Variants in IGSF11 observed in about 807,000 individuals in gnomAD.
The protein encoded by IGSF11 is CXADR like 1.
IGSF11 carries 22 observed loss-of-function variants against 41.0 expected under a neutral mutation model. The observed-to-expected ratio is 0.54, with a 90% CI of 0.38 to 0.77. The LOEUF (loss-of-function observed/expected upper bound fraction) is 0.77, where lower values mean the gene tolerates loss of function less well. Ranked by LOEUF, IGSF11 falls within the 30% of genes least tolerant of loss-of-function variation. The pLI, the probability that IGSF11 is intolerant of heterozygous loss-of-function variation, is 0.00. For missense variants in IGSF11, 444 were observed against 530.8 expected (o/e 0.84, Z 1.61); for synonymous variants, 219 against 201.3 (o/e 1.09, Z -0.74).
At chr3:119,024,338 A>G (rs1939610885) in intron 1 of IGSF11, among the ~76,000 whole-genome samples, 1 of 152,220 alleles carries the variant, frequency 6.6e-6, no homozygotes, top group African/African-American at 2.4e-5. Flanking sequence ...ATGTTGGAAT[A>G]CAAAATTCAA....
chr3:119,133,297 T>A (rs148591995), intron 1 of IGSF11, among the ~76,000 whole-genome samples: 3,411 of 151,976 alleles, frequency 0.022, 68 homozygotes, highest in Admixed American at 0.052. Flanking sequence ...TTTGAAAAGA[T>A]CAACAAAATT....
intron 4 of IGSF11, among the ~76,000 whole-genome samples, chr3:118,911,131 A>C (rs1035710634): frequency 6.6e-6 from 1 of 152,122 alleles, no homozygotes; most frequent in Admixed American, 6.5e-5. Flanking sequence ...GCACACACAC[A>C]CACATATATG....
intron 1 of IGSF11, chr3:118,945,004 C>T (rs1386748158): frequency 2.0e-5 from 3 of 152,186 alleles, no homozygotes; most frequent in Non-Finnish European, 4.4e-5. Flanking sequence ...CAGCTACTGA[C>T]TAATTGTGTA....
At chr3:119,055,618 G>C (rs192228770) in intron 1 of IGSF11, among the ~76,000 whole-genome samples, 1 of 152,294 alleles carries the variant, frequency 6.6e-6, no homozygotes, top group Non-Finnish European at 1.5e-5. Flanking sequence ...GCACCAAGCA[G>C]ACCTAAGAGA....
chr3:118,997,691 TCA>T (rs912738159), intron 1 of IGSF11, among the ~76,000 whole-genome samples: 4 of 152,092 alleles, frequency 2.6e-5, no homozygotes, highest in African/African-American at 9.7e-5. Context: ...AGGCAATTGC[TCA>T]GTCTGGGTAA....
chr3:119,051,349 C>T (rs1055327897), intron 1 of IGSF11, among the ~76,000 whole-genome samples: 2 of 151,642 alleles, frequency 1.3e-5, no homozygotes. Flanking sequence ...ACAAAACAGA[C>T]TTTAAAGCAA....
At chr3:119,020,511 G>T (rs980891340) in intron 1 of IGSF11, among the ~76,000 whole-genome samples, 2 of 152,210 alleles carry the variant, frequency 1.3e-5, no homozygotes, top group South Asian at 2.1e-4. Context: ...CTCCACGAAT[G>T]TAACACATTA....
chr3:119,003,733 G>A lies in IGSF11; in HGVS notation c.52+30798C>T, dbSNP rs369708943. 3.6e-4 allele frequency among the ~76,000 whole-genome samples: 54 copies of A among 151,980 alleles called. 1 individual carries two copies. In the East Asian group the frequency reaches 0.01, roughly 29 times the overall value. ...CTATTGAGATAATCATGTGGTTTTT[G>A]TCTTTGGCTCTCTTTATATGCTGGA... On this transcript the variant is annotated intron_variant, in intron 1 of 6. Transcript: ENST00000393775.
chr3:118,928,372 A>G (rs1048417297), intron 3 of IGSF11, 137 bp downstream of exon 3: 1 of 642,080 alleles, frequency 1.6e-6, no homozygotes, highest in Non-Finnish European at 2.8e-6. Context: ...GGAGAAGGAG[A>G]GAAGAGATGG....
intron 1 of IGSF11, among the ~76,000 whole-genome samples, chr3:119,089,697 T>C (rs1454859203): frequency 6.6e-6 from 1 of 152,126 alleles, no homozygotes; most frequent in Non-Finnish European, 1.5e-5. Context: ...CCAAAAGGCT[T>C]CCAGGCTGAT....
intron 1 of IGSF11, among the ~76,000 whole-genome samples, chr3:119,101,300 G>A (rs567258967): frequency 3.0e-4 from 45 of 152,178 alleles, no homozygotes; most frequent in African/African-American, 7.9e-4. Context: ...ACCTGAGGTC[G>A]GGAGTTCAAG....
chr3:118,962,395 T>G (rs1264969429), intron 1 of IGSF11, among the ~76,000 whole-genome samples: 2 of 152,226 alleles, frequency 1.3e-5, no homozygotes, highest in Non-Finnish European at 1.5e-5. Context: ...CTGCCATTAT[T>G]TGTTTCATTT....
At chr3:119,013,263 T>C (rs138845905) in intron 1 of IGSF11, 32 of 152,392 alleles carry the variant, frequency 2.1e-4, no homozygotes, top group African/African-American at 7.5e-4. Flanking sequence ...CCTTTGGTGA[T>C]GGACTCAGAC....
At chr3:118,948,276 A>C (rs569751310) in intron 1 of IGSF11, 1 of 152,366 alleles carries the variant, frequency 6.6e-6, no homozygotes, top group African/African-American at 2.4e-5. Flanking sequence ...AATTACTATA[A>C]GAATTCAACG....
chr3:119,125,773 G>C (rs2077395988), intron 1 of IGSF11, among the ~76,000 whole-genome samples: 1 of 152,156 alleles, frequency 6.6e-6, no homozygotes, highest in Non-Finnish European at 1.5e-5. Flanking sequence ...GACCCACGGA[G>C]AGAAGGGAGA....
At chr3:119,026,613 A>G (rs1939855579) in intron 1 of IGSF11, among the ~76,000 whole-genome samples, 1 of 152,218 alleles carries the variant, frequency 6.6e-6, no homozygotes, top group African/African-American at 2.4e-5. Flanking sequence ...AGTTAAAAAA[A>G]AAATCCAGTT....
At chr3:119,026,728 T>C (rs1262077467) in intron 1 of IGSF11, among the ~76,000 whole-genome samples, 2 of 152,246 alleles carry the variant, frequency 1.3e-5, no homozygotes, top group African/African-American at 4.8e-5. Flanking sequence ...CCACTTATGC[T>C]GCATACTGAA....
At position 118,930,285 on chromosome 3, in the gene IGSF11, A is replaced by G. The variant is rs780305081; in HGVS notation, c.53-10T>C. ...AGGGATGCTGCAACACCTACAGAAG[A>G]AGGAACAGGGAGGTTATATGCTCGC... On this transcript the variant is annotated splice_polypyrimidine_tract_variant and intron_variant, in intron 1 of 6. Transcript: ENST00000393775. 6.2e-7 allele frequency: 1 copy of G among 1,608,922 alleles called. No homozygotes were observed. Among genetic ancestry groups the G allele is most frequent in the South Asian group, 1.1e-5 (1 of 90,240 alleles).
chr3:119,106,351 C>G (rs2077023641), upstream of IGSF11, among the ~76,000 whole-genome samples: 1 of 152,234 alleles, frequency 6.6e-6, no homozygotes, highest in Non-Finnish European at 1.5e-5. Flanking sequence ...ACCATTTCCC[C>G]CCGAACTTCC....
Sources: gnomAD v4.1 joint callset for allele counts (sites outside exome capture counted in the v4.1 genomes callset) on GRCh38, gnomAD v4.1.1 for gene constraint, MANE v1.5 for transcripts, NCBI Gene and HGNC (gene_info 2026-07-23, HGNC 2026-07-21) for gene names.